VDAC1: variants seen among roughly 807,000 people sequenced by gnomAD.
VDAC1 encodes non-selective voltage-gated ion channel VDAC1.
In VDAC1, 10 loss-of-function variants were observed where a neutral mutation model predicts 34.7. The observed-to-expected ratio is 0.29, with a 90% CI of 0.18 to 0.49. VDAC1 has a LOEUF of 0.49. Among genes scored for constraint, VDAC1 ranks in the 20% least tolerant of loss-of-function variants. The pLI is 0.99. For synonymous variants in VDAC1, 130 were observed against 136.0 expected, an observed-to-expected ratio of 0.96 and a Z score of 0.30; for missense variants, 230 against 347.9, an observed-to-expected ratio of 0.66 and a Z score of 2.69.
chr5:133,976,163 C>G (rs1752473288), intron 6 of VDAC1, 142 bp from the exon 7 acceptor site: 1 of 967,108 alleles, frequency 1.0e-6, no homozygotes. Flanking sequence ...CAGAAGTTCA[C>G]CAAATTTCAC....
chr5:134,045,264 C>G, the VDAC1 span, among the ~76,000 whole-genome samples: 2 of 152,222 alleles, frequency 1.3e-5, no homozygotes, highest in Non-Finnish European at 2.9e-5. Flanking sequence ...ATCTGGCCAG[C>G]CACGCCAGTT....
chr5:134,114,433 G>A, the VDAC1 span, among the ~76,000 whole-genome samples: 1 of 152,170 alleles, frequency 6.6e-6, no homozygotes, highest in Non-Finnish European at 1.5e-5. Flanking sequence ...GCAGAAAGCA[G>A]GGGGAATATC....
chr5:134,022,016 G>T, the VDAC1 span, among the ~76,000 whole-genome samples: 2 of 152,114 alleles, frequency 1.3e-5, no homozygotes, highest in African/African-American at 4.8e-5. Context: ...AAGTAGCTGG[G>T]GTTACAGGCA....
At chr5:134,114,478 C>G in the VDAC1 span, among the ~76,000 whole-genome samples, 2 of 152,084 alleles carry the variant, frequency 1.3e-5, no homozygotes, top group African/African-American at 4.8e-5. Context: ...CAGGAGTTCC[C>G]GTTAGAGTCT....
the VDAC1 span, among the ~76,000 whole-genome samples, chr5:134,112,190 C>T: frequency 2.0e-5 from 3 of 152,350 alleles, no homozygotes; most frequent in South Asian, 2.1e-4. Flanking sequence ...CTACCTCCTT[C>T]AGGAAGCCAC....
At chr5:134,083,907 G>A in the VDAC1 span, among the ~76,000 whole-genome samples, 1 of 152,340 alleles carries the variant, frequency 6.6e-6, no homozygotes, top group South Asian at 2.1e-4. Context: ...AGTCGAGGTG[G>A]AGTGGTGCAG....
Position 133,992,342 on chromosome 5 carries a change from T to C in VDAC1, c.81A>G (p.Ile27Met). 1 of 1,582,240 alleles carries C rather than the reference T, an allele frequency of 6.3e-7. No individual in the cohort carries two copies. The highest frequency in any genetic ancestry group is 8.6e-7 in the Non-Finnish European group (1 of 1,165,854). Residue 27 changes from isoleucine to methionine, a missense_variant, in exon 3 of 9, where the codon ATA becomes ATG. Ile to Met is a conservative substitution (Grantham distance 10, BLOSUM62 1). Transcript: ENST00000265333. ...CAGATTTTGTTTTCAAATCAAGCTTTATTAAGCCAAATCCTAAAGAAAGAA... is the reference window on the plus strand; with the variant it reads ...CAGATTTTGTTTTCAAATCAAGCTTCATTAAGCCAAATCCTAAAGAAAGAA... ...VFTKGYGFGL[I>M]KLDLKTKSEN...
At chr5:134,064,715 C>CTT in the VDAC1 span, among the ~76,000 whole-genome samples, 549 of 147,034 alleles carry the variant, frequency 3.7e-3, 5 homozygotes, top group African/African-American at 5.5e-3. Context: ...TCTGTAACTT[C>CTT]TTTTTTTTTT....
the VDAC1 span, among the ~76,000 whole-genome samples, chr5:134,073,137 A>G: frequency 6.6e-6 from 1 of 152,314 alleles, no homozygotes; most frequent in East Asian, 1.9e-4. Flanking sequence ...ACCCATCACC[A>G]GTGCCCTGAA....
At chr5:134,014,798 G>A in the VDAC1 span, among the ~76,000 whole-genome samples, 86 of 152,210 alleles carry the variant, frequency 5.7e-4, 1 homozygote, top group South Asian at 0.017. Flanking sequence ...CCTGGGAGGT[G>A]GAGGTTTCAG....
intron 6 of VDAC1, among the ~76,000 whole-genome samples, chr5:133,979,814 G>C (rs1339238361): frequency 6.6e-6 from 1 of 152,048 alleles, no homozygotes; most frequent in Non-Finnish European, 1.5e-5. Context: ...TCAGAATATA[G>C]AACAGTTCCC....
In VDAC1 at chr5:133,972,297, G is replaced by C. The variant is rs1752325156; in HGVS notation, c.*474C>G. The C allele has an allele frequency of 7.5e-6, 2 of 267,480 alleles. No individual in the cohort carries two copies. The highest frequency in any genetic ancestry group is 5.3e-5 in the Admixed American group (1 of 18,854). 16.6% of individuals were successfully genotyped at this position (267,480 alleles called of 1,614,324 possible). A position where few individuals can be genotyped will look rare whatever the true frequency, so the allele number is the denominator to read the frequency against. On this transcript the variant is annotated 3_prime_UTR_variant, in exon 9 of 9. Coordinates refer to ENST00000265333, the MANE Select transcript of VDAC1 (RefSeq NM_003374.3). ...CCTGCAGACCTTTTGGTGTAAAAGA[G>C]ATGATGATGAACTGGGGTGGGAACA...
the VDAC1 span, among the ~76,000 whole-genome samples, chr5:134,099,443 C>T: frequency 6.6e-6 from 1 of 152,240 alleles, no homozygotes; most frequent in African/African-American, 2.4e-5. Flanking sequence ...TCCTCTGGCT[C>T]ATGCTCCTTA....
the VDAC1 span, among the ~76,000 whole-genome samples, chr5:134,102,786 G>C: frequency 6.6e-6 from 1 of 152,254 alleles, no homozygotes; most frequent in African/African-American, 2.4e-5. Flanking sequence ...TTAGCTGCAT[G>C]CTTCAAGATT....
the VDAC1 span, among the ~76,000 whole-genome samples, chr5:134,051,167 A>G: frequency 1.3e-5 from 2 of 152,344 alleles, no homozygotes; most frequent in East Asian, 3.9e-4. Context: ...TGGACTGTAC[A>G]GACAGTGAGA....
chr5:134,010,233 G>A, the VDAC1 span, among the ~76,000 whole-genome samples: 429 of 152,218 alleles, frequency 2.8e-3, 3 homozygotes, highest in African/African-American at 9.0e-3. Context: ...AGCCCAGGAC[G>A]GAACACAACC....
chr5:134,057,301 G>A, the VDAC1 span, among the ~76,000 whole-genome samples: 1 of 152,022 alleles, frequency 6.6e-6, no homozygotes, highest in African/African-American at 2.4e-5. Flanking sequence ...CCAATATGGT[G>A]AAACCCCATC....
the VDAC1 span, among the ~76,000 whole-genome samples, chr5:134,093,392 G>A: frequency 2.0e-5 from 3 of 152,130 alleles, no homozygotes; most frequent in African/African-American, 7.2e-5. Context: ...GGCCCAGGTT[G>A]TGTTCCTTTA....
At chr5:134,092,966 A>C in the VDAC1 span, among the ~76,000 whole-genome samples, 1 of 152,220 alleles carries the variant, frequency 6.6e-6, no homozygotes, top group Non-Finnish European at 1.5e-5. Context: ...AGGTTTGCCA[A>C]AGACACCTGC....
Sources: gnomAD v4.1 joint callset for allele counts (sites outside exome capture counted in the v4.1 genomes callset) on GRCh38, gnomAD v4.1.1 for gene constraint, MANE v1.5 for transcripts, NCBI Gene and HGNC (gene_info 2026-07-23, HGNC 2026-07-21) for gene names.